KCNT2: variants seen among roughly 807,000 people sequenced by gnomAD.
KCNT2 encodes the protein potassium sodium-activated channel subfamily T member 2.
In KCNT2, 67 loss-of-function variants were observed where a neutral mutation model predicts 153.8. The observed-to-expected ratio is 0.44, with a 90% CI of 0.36 to 0.53. The LOEUF (loss-of-function observed/expected upper bound fraction) is 0.53. KCNT2 is among the 20% of genes least tolerant of loss of function. KCNT2 has a pLI of 0.00. For missense variants in KCNT2, 975 were observed against 1,354.8 expected (o/e 0.72, Z 4.40); for synonymous variants, 500 against 458.8 (o/e 1.09, Z -1.15).
chr1:196,313,986 C>T (rs180983335), intron 21 of KCNT2, among the ~76,000 whole-genome samples: 1 of 151,576 alleles, frequency 6.6e-6, no homozygotes, highest in Admixed American at 6.6e-5. Context: ...GTAATCACAT[C>T]TTCAGCTAGG....
rs148085135 is a variant in KCNT2, at chr1:196,519,327, G to A, written c.96-26986C>T. Among the ~76,000 whole-genome samples, 370 of 152,010 alleles carry A rather than the reference G, an allele frequency of 2.4e-3. 3 individuals are homozygous for A. Among genetic ancestry groups the A allele is most frequent in the African/African-American group, 8.4e-3 (347 of 41,496 alleles). Reference sequence around the variant, plus strand: ...AAGAGGGAAATTTATAGCATTAAACGCTGATATCAAAAGTTAGAAAGATCT... The same window carrying A: ...AAGAGGGAAATTTATAGCATTAAACACTGATATCAAAAGTTAGAAAGATCT... On this transcript the variant is annotated intron_variant, in intron 1 of 27. Coordinates refer to ENST00000294725, the MANE Select transcript of KCNT2 (RefSeq NM_198503.5).
At chr1:196,551,342 T>C (rs1437140310) in intron 1 of KCNT2, among the ~76,000 whole-genome samples, 3 of 151,814 alleles carry the variant, frequency 2.0e-5, no homozygotes, top group East Asian at 3.9e-4. Context: ...TAGGGCTAGA[T>C]GGAATAGAAG....
At chr1:196,390,819 G>T (rs1670415890) in intron 13 of KCNT2, among the ~76,000 whole-genome samples, 1 of 148,016 alleles carries the variant, frequency 6.8e-6, no homozygotes, top group South Asian at 2.1e-4. Context: ...GGTAATGATA[G>T]TTTTAACACC....
chr1:196,485,887 C>A (rs1301288581), intron 3 of KCNT2, among the ~76,000 whole-genome samples: 2 of 151,586 alleles, frequency 1.3e-5, no homozygotes, highest in South Asian at 2.1e-4. Flanking sequence ...AAGCTGACAG[C>A]CAAATTATAA....
chr1:196,231,867 A>G (rs1160463218), intron 27 of KCNT2, among the ~76,000 whole-genome samples: 2 of 151,866 alleles, frequency 1.3e-5, no homozygotes, highest in African/African-American at 4.8e-5. Flanking sequence ...AGAAGAAAAT[A>G]AATATATGCA....
At chr1:196,300,418 G>A (rs528550078) in intron 22 of KCNT2, among the ~76,000 whole-genome samples, 1 of 152,194 alleles carries the variant, frequency 6.6e-6, no homozygotes, top group East Asian at 1.9e-4. Flanking sequence ...GCAGCAGGAT[G>A]GACTCTAACC....
rs1673623378 is a variant in KCNT2, at chr1:196,425,991, A to G, written c.985-3T>C. 2 of 1,610,518 alleles carry G rather than the reference A, an allele frequency of 1.2e-6. No homozygotes were observed. Among genetic ancestry groups the G allele is most frequent in the African/African-American group, 1.3e-5 (1 of 74,762 alleles). ...CACAAAATCACCACATAATAATCCT[A>G]TTCAAAACAAAATGGGCAATGGAAT... On this transcript the variant is annotated splice_polypyrimidine_tract_variant and splice_region_variant and intron_variant, in intron 10 of 27. Coordinates refer to ENST00000294725, the MANE Select transcript of KCNT2 (RefSeq NM_198503.5).
At chr1:196,477,431 A>G (rs1010968899) in intron 5 of KCNT2, among the ~76,000 whole-genome samples, 1 of 151,992 alleles carries the variant, frequency 6.6e-6, no homozygotes, top group Non-Finnish European at 1.5e-5. Flanking sequence ...ACAAAAAAAT[A>G]CAAAAAAAAT....
At chr1:196,251,899 A>G (rs960393792) in intron 26 of KCNT2, among the ~76,000 whole-genome samples, 1 of 151,894 alleles carries the variant, frequency 6.6e-6, no homozygotes, top group African/African-American at 2.4e-5. Context: ...TGCTCACAAA[A>G]ATTAAAAAAT....
chr1:196,257,740 T>C (rs1249918430), intron 26 of KCNT2: 1 of 984,378 alleles, frequency 1.0e-6, no homozygotes, highest in Non-Finnish European at 1.2e-6. Context: ...TTTTGAAGAT[T>C]TTGTTTCTAA....
intron 13 of KCNT2, among the ~76,000 whole-genome samples, chr1:196,386,022 C>T (rs983636960): frequency 1.3e-5 from 2 of 152,106 alleles, no homozygotes; most frequent in African/African-American, 4.8e-5. Context: ...TTGCCTTGCT[C>T]TCTTTTGGAT....
rs1261223971 is a variant in KCNT2, at chr1:196,264,134, T to C, written c.2911-5640A>G. Among the ~76,000 whole-genome samples the C allele has an allele frequency of 2.0e-5, 3 of 152,208 alleles. No homozygotes were observed. The South Asian group carries it at 6.2e-4, about 31-fold the overall frequency. On this transcript the variant is annotated intron_variant, in intron 25 of 27. Transcript: ENST00000294725. ...TAAGGCTTCAATTTCTTAATGCTTT[T>C]CCTATTGCTTTAAGCACAGAAAAAT...
Position 196,586,360 on chromosome 1 carries a change from T to C in KCNT2, c.95+21855A>G, listed in dbSNP as rs1219493316. The stretch of plus-strand genomic sequence containing the variant: ...CTGCTAAATTCCCCATTTTGTTGTT[T>C]TATTTAAAAATCTCATGGGGTTTTT... On this transcript the variant is annotated intron_variant, in intron 1 of 27. Transcript: ENST00000294725. 3.3e-5 allele frequency among the ~76,000 whole-genome samples: 5 copies of C among 152,180 alleles called. 1 individual carries two copies. Among genetic ancestry groups the C allele is most frequent in the African/African-American group, 1.2e-4 (5 of 41,452 alleles).
At chr1:196,570,067 T>A (rs1411981808) in intron 1 of KCNT2, among the ~76,000 whole-genome samples, 9 of 133,710 alleles carry the variant, frequency 6.7e-5, no homozygotes, top group African/African-American at 2.9e-4. Flanking sequence ...TGAGCTAGAG[T>A]AAAAAAAAAA....
At chr1:196,593,685 C>A (rs1026094156) in intron 1 of KCNT2, among the ~76,000 whole-genome samples, 9 of 151,564 alleles carry the variant, frequency 5.9e-5, no homozygotes, top group African/African-American at 2.2e-4. Context: ...TACCATGTAC[C>A]CACAAAAATT....
At chr1:196,411,658 T>C (rs1394037620) in intron 12 of KCNT2, among the ~76,000 whole-genome samples, 1 of 151,768 alleles carries the variant, frequency 6.6e-6, no homozygotes, top group Non-Finnish European at 1.5e-5. Flanking sequence ...AGTTATTTTC[T>C]GAATTTCCTT....
At chr1:196,445,593 A>C (rs1433150555) in intron 8 of KCNT2, among the ~76,000 whole-genome samples, 3 of 151,484 alleles carry the variant, frequency 2.0e-5, no homozygotes, top group African/African-American at 7.2e-5. Context: ...ATATTAAAAT[A>C]TCATGTTCAT....
chr1:196,607,323 C>T (rs2149044838), intron 1 of KCNT2, among the ~76,000 whole-genome samples: 1 of 152,264 alleles, frequency 6.6e-6, no homozygotes, highest in East Asian at 1.9e-4. Context: ...AGAAATGTGG[C>T]ATGTGATATA....
chr1:196,378,556 T>C (rs1669167620), intron 13 of KCNT2, among the ~76,000 whole-genome samples: 1 of 151,676 alleles, frequency 6.6e-6, no homozygotes, highest in South Asian at 2.1e-4. Flanking sequence ...AAATGGCTAA[T>C]AGACATACTA....
Sources: gnomAD v4.1 joint callset for allele counts (sites outside exome capture counted in the v4.1 genomes callset) on GRCh38, gnomAD v4.1.1 for gene constraint, MANE v1.5 for transcripts, NCBI Gene and HGNC (gene_info 2026-07-23, HGNC 2026-07-21) for gene names.